Variants in PRKCQ observed in about 807,000 individuals in gnomAD.
The protein encoded by PRKCQ is protein kinase C theta type.
Under a neutral mutation model 91.2 loss-of-function variants are expected in PRKCQ, and 41 were observed. The ratio of observed to expected loss-of-function variants is 0.45; its 90% CI spans 0.35 to 0.58. PRKCQ has a LOEUF of 0.58. PRKCQ is among the 20% of genes least tolerant of loss of function. The pLI, the probability that PRKCQ is intolerant of heterozygous loss-of-function variation, is 0.00. For synonymous variants in PRKCQ, 307 were observed against 316.9 expected (o/e 0.97, Z 0.33); for missense variants, 673 against 896.5 (o/e 0.75, Z 3.18).
At chr10:6,424,016 G>T (rs966199543), downstream of PRKCQ, among the ~76,000 whole-genome samples, 3 of 151,290 alleles carry the variant, frequency 2.0e-5, no homozygotes, top group African/African-American at 7.3e-5. Context: ...AAAGAGCGTG[G>T]TCCCTACGTG....
the PRKCQ span, among the ~76,000 whole-genome samples, chr10:6,419,036 A>ATCTG: frequency 1.3e-5 from 2 of 150,676 alleles, no homozygotes; most frequent in Non-Finnish European, 3.0e-5. Flanking sequence ...CTATCTACCT[A>ATCTG]TCATCCATCT....
intron 11 of PRKCQ, among the ~76,000 whole-genome samples, chr10:6,481,112 T>C (rs1006845771): frequency 4.6e-4 from 70 of 152,212 alleles, no homozygotes; most frequent in African/African-American, 1.4e-3. Context: ...TCTCCGTGTA[T>C]AGGGACCCAG....
chr10:6,515,955 T>C (rs1838736103), intron 1 of PRKCQ, among the ~76,000 whole-genome samples: 1 of 152,226 alleles, frequency 6.6e-6, no homozygotes, highest in African/African-American at 2.4e-5. Context: ...TAGATACCTC[T>C]TCTTTTTTAC....
Position 6,576,527 on chromosome 10 carries a change from C to T in PRKCQ, c.-10+3684G>A, listed in dbSNP as rs995120999. Among the ~76,000 whole-genome samples, 2 of 152,164 alleles carry T rather than the reference C, an allele frequency of 1.3e-5. No individual in the cohort carries two copies. Among genetic ancestry groups the T allele is most frequent in the African/African-American group, 4.8e-5 (2 of 41,426 alleles). On this transcript the variant is annotated intron_variant, in intron 1 of 17. Transcript: ENST00000263125. The surrounding 1 kb of genome is among the most constrained non-coding windows in gnomAD (Gnocchi z 4.2). ...TTAGAGACAGGAAGTAGAAGGGTGG[C>T]TGCCAGGGGCTGAGAGGAAAGACGG...
chr10:6,404,621 CTCTT>C, the PRKCQ span, among the ~76,000 whole-genome samples: 1 of 135,686 alleles, frequency 7.4e-6, no homozygotes, highest in Non-Finnish European at 1.5e-5. Flanking sequence ...CTTTCTTTCT[CTCTT>C]TCCTTTCTTC....
intron 7 of PRKCQ, among the ~76,000 whole-genome samples, chr10:6,494,952 C>T (rs542142558): frequency 5.8e-4 from 88 of 152,302 alleles, no homozygotes; most frequent in Non-Finnish European, 1.1e-3. Context: ...TTCTTCACTC[C>T]GTCGTGGCTC....
chr10:6,395,367 TG>T, the PRKCQ span, among the ~76,000 whole-genome samples: 1 of 152,064 alleles, frequency 6.6e-6, no homozygotes. Context: ...CCCGGCCGGC[TG>T]GAGTTTTATT....
At chr10:6,426,205 C>CTT (rs1434164665), downstream of PRKCQ, among the ~76,000 whole-genome samples, 1 of 152,188 alleles carries the variant, frequency 6.6e-6, no homozygotes, top group Non-Finnish European at 1.5e-5. Flanking sequence ...TGAGAAGGGA[C>CTT]TTTAGATAGC....
rs757532438 is a variant in PRKCQ at position 6,515,734 on chromosome 10, C to T, written c.-9-590G>A. 1.8e-4 allele frequency among the ~76,000 whole-genome samples: 28 copies of T among 152,278 alleles called. 1 individual carries two copies. The highest frequency in any genetic ancestry group is 2.9e-4 in the Non-Finnish European group (20 of 68,026). On this transcript the variant is annotated intron_variant, in intron 1 of 17. Coordinates refer to ENST00000263125, the MANE Select transcript of PRKCQ (RefSeq NM_006257.5). ...CTAAGCCTTTGAACATCACAAACCACGTAGAAAACTCCAAACTAATTGACT... is the reference window on the plus strand; with the variant it reads ...CTAAGCCTTTGAACATCACAAACCATGTAGAAAACTCCAAACTAATTGACT...
the PRKCQ span, among the ~76,000 whole-genome samples, chr10:6,413,776 G>GCACA: frequency 9.2e-6 from 1 of 108,412 alleles, no homozygotes; most frequent in Admixed American, 9.8e-5. Flanking sequence ...TGCCACTTGT[G>GCACA]CACACACACA....
intron 1 of PRKCQ, among the ~76,000 whole-genome samples, chr10:6,549,197 G>C (rs1840088366): frequency 1.3e-5 from 2 of 152,206 alleles, no homozygotes; most frequent in Admixed American, 1.3e-4. Flanking sequence ...GGGTCCTTAA[G>C]GCAAGAGGAA....
At chr10:6,440,803 A>G (rs1229123933) in intron 16 of PRKCQ, among the ~76,000 whole-genome samples, 4 of 152,206 alleles carry the variant, frequency 2.6e-5, no homozygotes, top group African/African-American at 7.2e-5. Flanking sequence ...AGCTTGGCCA[A>G]CATGGTGAAA....
At chr10:6,539,404 G>A (rs1839698587) in intron 1 of PRKCQ, among the ~76,000 whole-genome samples, 1 of 152,080 alleles carries the variant, frequency 6.6e-6, no homozygotes, top group Admixed American at 6.6e-5. Context: ...ATCAGCCACA[G>A]CATTAGAGTT....
chr10:6,506,395 T>C (rs1425372653), intron 4 of PRKCQ, among the ~76,000 whole-genome samples: 1 of 152,176 alleles, frequency 6.6e-6, no homozygotes, highest in Non-Finnish European at 1.5e-5. Flanking sequence ...AGCAAAACTA[T>C]GGTATCATAT....
At chr10:6,552,760 C>T (rs1840240154) in intron 1 of PRKCQ, among the ~76,000 whole-genome samples, 1 of 152,076 alleles carries the variant, frequency 6.6e-6, no homozygotes, top group African/African-American at 2.4e-5. Flanking sequence ...AGTCGCTGCA[C>T]CCAACCAAAC....
intron 1 of PRKCQ, among the ~76,000 whole-genome samples, chr10:6,577,552 TACAC>T (rs146275272): frequency 1.3e-5 from 2 of 151,682 alleles, no homozygotes; most frequent in Admixed American, 6.6e-5. Context: ...CACACACACA[TACAC>T]ACACACACGG....
At chr10:6,399,217 C>G in the PRKCQ span, among the ~76,000 whole-genome samples, 1 of 152,200 alleles carries the variant, frequency 6.6e-6, no homozygotes, top group African/African-American at 2.4e-5. Flanking sequence ...TAATGGTGAG[C>G]AGAGTGCCTT....
chr10:6,498,150 C>T (rs751681975), intron 5 of PRKCQ, among the ~76,000 whole-genome samples: 1 of 151,644 alleles, frequency 6.6e-6, no homozygotes, highest in Non-Finnish European at 1.5e-5. Context: ...CCCCAATAGC[C>T]CCCCCATTGA....
At chr10:6,543,898 C>G (rs768600232) in intron 1 of PRKCQ, among the ~76,000 whole-genome samples, 2 of 152,106 alleles carry the variant, frequency 1.3e-5, no homozygotes, top group Admixed American at 1.3e-4. Flanking sequence ...TTGTCAGGAC[C>G]GAAAGAGCAG....
Sources: gnomAD v4.1 joint callset for allele counts (sites outside exome capture counted in the v4.1 genomes callset) on GRCh38, gnomAD v4.1.1 for gene constraint, Gnocchi (gnomAD v3.1) non-coding constraint, MANE v1.5 for transcripts, NCBI Gene and HGNC (gene_info 2026-07-23, HGNC 2026-07-21) for gene names.